The following APBA2 variants were observed in gnomAD, a reference collection of about 807,000 sequenced individuals.
APBA2 encodes the protein amyloid beta precursor protein binding family A member 2, also known as amyloid-beta A4 precursor protein-binding family A member 2.
A neutral mutation model predicts 75.0 loss-of-function variants in APBA2; 30 were observed. The ratio of observed to expected loss-of-function variants is 0.40; its 90% CI spans 0.30 to 0.54. APBA2 has a LOEUF of 0.54. Ranked by LOEUF, APBA2 falls within the 20% of genes least tolerant of loss-of-function variation. The pLI, the probability that APBA2 is intolerant of heterozygous loss-of-function variation, is 0.49. For missense variants in APBA2, 801 were observed against 1,016.1 expected (o/e 0.79, Z 2.88); for synonymous variants, 444 against 409.6 (o/e 1.08, Z -1.01).
At chr15:28,950,565 T>C (rs1004320859) in intron 2 of APBA2, among the ~76,000 whole-genome samples, 1 of 151,144 alleles carries the variant, frequency 6.6e-6, no homozygotes, top group African/African-American at 2.4e-5. Context: ...AGGCAGAGCT[T>C]GCAGTGAGCT....
intron 2 of APBA2, among the ~76,000 whole-genome samples, chr15:28,932,084 C>G (rs2152689576): frequency 6.6e-6 from 1 of 152,316 alleles, no homozygotes; most frequent in Middle Eastern, 3.4e-3. Context: ...CTAGACCGAC[C>G]TGGTGTCAGG....
At chr15:28,947,871 T>TTTCAAA (rs1402477464) in intron 2 of APBA2, among the ~76,000 whole-genome samples, 111 of 152,374 alleles carry the variant, frequency 7.3e-4, no homozygotes, top group African/African-American at 2.6e-3. Context: ...TTTTCAAAAC[T>TTTCAAA]GACTAATGTC....
chr15:29,107,005 G>A (rs532657468), intron 12 of APBA2, among the ~76,000 whole-genome samples, 186 bp downstream of exon 12: 8 of 152,326 alleles, frequency 5.3e-5, no homozygotes, highest in African/African-American at 1.4e-4. Flanking sequence ...CATTCCCCAT[G>A]TCTGAATCAG....
At chr15:28,965,212 C>T (rs1030396403) in intron 2 of APBA2, among the ~76,000 whole-genome samples, 1 of 152,086 alleles carries the variant, frequency 6.6e-6, no homozygotes, top group Non-Finnish European at 1.5e-5. Context: ...TACTCCAGCG[C>T]CATTAATTGA....
chr15:29,093,978 C>A (rs1432011579), intron 7 of APBA2, among the ~76,000 whole-genome samples: 1 of 152,238 alleles, frequency 6.6e-6, no homozygotes, highest in Non-Finnish European at 1.5e-5. Context: ...CCATCCCAGA[C>A]CCTTGCCTTG....
intron 1 of APBA2, among the ~76,000 whole-genome samples, chr15:28,904,107 T>C (rs2033016256): frequency 6.6e-6 from 1 of 152,222 alleles, no homozygotes; most frequent in African/African-American, 2.4e-5. Flanking sequence ...AAACATTATT[T>C]TTAGTTATCA....
rs761204189 is a variant in APBA2 at position 29,054,161 on chromosome 15, G to A, written c.277G>A (p.Glu93Lys). 3.7e-6 allele frequency: 6 copies of A among 1,614,078 alleles called. No homozygotes were observed. Among genetic ancestry groups the A allele is most frequent in the Non-Finnish European group, 4.2e-6 (5 of 1,180,042 alleles). The part of the protein sequence containing the change: ...EEDYDEGLPE[E>K]EEGITYYIRY... The stretch of plus-strand genomic sequence containing the variant: ...GGACTATGACGAGGGCCTCCCTGAG[G>A]AGGAGGAGGGCATCACCTACTACAT... The change falls in exon 4 of 15, where the codon GAG (glutamate) becomes AAG (lysine). Residue 93 changes from glutamate to lysine, a missense_variant. By Grantham distance (56) the Glu-to-Lys change is moderately conservative. Transcript: ENST00000683413. This position sits in a 1 kb window ranked among gnomAD's most constrained non-coding sequence, Gnocchi z 6.1.
chr15:28,993,926 A>T (rs1284248982), intron 2 of APBA2, among the ~76,000 whole-genome samples: 2 of 152,062 alleles, frequency 1.3e-5, no homozygotes, highest in African/African-American at 4.8e-5. Flanking sequence ...GGGTGCCTGG[A>T]GAGGACAGGG....
At chr15:29,101,574 C>G in intron 9 of APBA2, 25 bp from the exon 10 acceptor site, 1 of 1,608,070 alleles carries the variant, frequency 6.2e-7, no homozygotes, top group Non-Finnish European at 8.5e-7. Context: ...TGTTCCCTGA[C>G]GTGGCACTGT....
At chr15:29,076,158 T>TA in intron 6 of APBA2, 67 bp downstream of exon 6, 1 of 1,525,282 alleles carries the variant, frequency 6.6e-7, no homozygotes, top group East Asian at 2.2e-5. Flanking sequence ...ATGGTGCTTT[T>TA]AGTTTGGGCA....
intron 4 of APBA2, among the ~76,000 whole-genome samples, chr15:29,063,847 C>T (rs567083968): frequency 1.3e-5 from 2 of 152,000 alleles, no homozygotes; most frequent in South Asian, 2.1e-4. Flanking sequence ...GACCTGTCCT[C>T]GGGAGTGACA....
chr15:28,957,581 C>G (rs561117669), intron 2 of APBA2, among the ~76,000 whole-genome samples: 2 of 152,274 alleles, frequency 1.3e-5, no homozygotes, highest in South Asian at 2.1e-4. Context: ...GTTTTTCAAT[C>G]GTGGCCACCC....
intron 2 of APBA2, among the ~76,000 whole-genome samples, chr15:28,937,258 G>A (rs921623439): frequency 6.6e-6 from 1 of 151,900 alleles, no homozygotes; most frequent in Non-Finnish European, 1.5e-5. Flanking sequence ...GCCTCTTCTA[G>A]TTCCTTGTGG....
chr15:28,948,898 T>C (rs1253380596), intron 2 of APBA2, among the ~76,000 whole-genome samples: 1 of 109,900 alleles, frequency 9.1e-6, no homozygotes, highest in Non-Finnish European at 1.9e-5. Context: ...GCTGGGGGGT[T>C]GGTGAGGATA....
intron 1 of APBA2, among the ~76,000 whole-genome samples, chr15:28,886,584 C>G (rs1474708508): frequency 8.6e-5 from 13 of 151,994 alleles, no homozygotes; most frequent in African/African-American, 3.1e-4. Context: ...AGGGGCCACC[C>G]GGCGCGGACA....
At chr15:29,038,612 G>A (rs1466159298) in intron 3 of APBA2, among the ~76,000 whole-genome samples, 1 of 151,592 alleles carries the variant, frequency 6.6e-6, no homozygotes, top group Non-Finnish European at 1.5e-5. Flanking sequence ...TGGAGTAGGG[G>A]CCCTGGAGGG....
intron 6 of APBA2, among the ~76,000 whole-genome samples, chr15:29,079,560 T>G (rs1049207625): frequency 6.6e-6 from 1 of 152,176 alleles, no homozygotes; most frequent in Non-Finnish European, 1.5e-5. Context: ...CTGGGCTTTT[T>G]ATGAAGGCAG....
At chr15:29,007,703 T>C (rs1489580784) in intron 3 of APBA2, among the ~76,000 whole-genome samples, 3 of 152,094 alleles carry the variant, frequency 2.0e-5, no homozygotes, top group South Asian at 4.1e-4. Flanking sequence ...GGCCGGCTAT[T>C]ACAAAACAAA....
At chr15:29,025,114 T>A (rs1188184319) in intron 3 of APBA2, among the ~76,000 whole-genome samples, 2 of 133,464 alleles carry the variant, frequency 1.5e-5, no homozygotes. Flanking sequence ...ACAATTCACA[T>A]GTAATACGTG....
Sources: gnomAD v4.1 joint callset for allele counts (sites outside exome capture counted in the v4.1 genomes callset) on GRCh38, gnomAD v4.1.1 for gene constraint, Gnocchi (gnomAD v3.1) non-coding constraint, MANE v1.5 for transcripts, NCBI Gene and HGNC (gene_info 2026-07-23, HGNC 2026-07-21) for gene names.